GNG2: variants seen among roughly 807,000 people sequenced by gnomAD.
The protein encoded by GNG2 is guanine nucleotide-binding protein G(I)/G(S)/G(O) subunit gamma-2.
GNG2 carries 5 observed loss-of-function variants against 5.5 expected under a neutral mutation model. The observed-to-expected ratio is 0.91, with a 90% confidence interval of 0.48 to 1.92. GNG2 has a LOEUF of 1.92. GNG2 is among the 30% of genes most tolerant of loss of function. The probability of loss-of-function intolerance (pLI) is 0.01; values close to 1 mark genes in which losing one functional copy is unlikely to be tolerated. For missense variants in GNG2, 55 were observed against 88.4 expected (o/e 0.62, Z 1.52); for synonymous variants, 28 against 32.0 (o/e 0.88, Z 0.42).
chr14:51,931,145 A>C (rs1413796432), intron 2 of GNG2, among the ~76,000 whole-genome samples: 1 of 152,144 alleles, frequency 6.6e-6, no homozygotes, highest in Non-Finnish European at 1.5e-5. Context: ...AGAAATACAG[A>C]AATATAGGTG....
intron 2 of GNG2, among the ~76,000 whole-genome samples, chr14:51,923,567 TACACACAC>T (rs142081387): frequency 6.7e-6 from 1 of 150,000 alleles, no homozygotes; most frequent in African/African-American, 2.5e-5. Context: ...AAACACACAA[TACACACAC>T]ACACACACAC....
intron 2 of GNG2, chr14:51,914,277 A>C (rs1206433069): frequency 4.3e-6 from 3 of 702,178 alleles, no homozygotes; most frequent in Non-Finnish European, 7.8e-6. Flanking sequence ...AGACCAAGGT[A>C]GAATGGAAAA....
intron 2 of GNG2, among the ~76,000 whole-genome samples, chr14:51,840,641 G>A (rs535480578): frequency 3.0e-4 from 46 of 152,302 alleles, no homozygotes; most frequent in African/African-American, 1.1e-3. Flanking sequence ...TCCTGAGGTA[G>A]AGTGTAAGGT....
chr14:51,880,978 A>AAC (rs1555351036), intron 2 of GNG2, among the ~76,000 whole-genome samples: 4 of 147,134 alleles, frequency 2.7e-5, no homozygotes, highest in East Asian at 1.9e-4. Flanking sequence ...AAAAAAAAAA[A>AAC]AAAAAAAAAA....
intron 1 of GNG2, among the ~76,000 whole-genome samples, chr14:51,869,481 A>G (rs1457833747): frequency 6.6e-6 from 1 of 152,196 alleles, no homozygotes; most frequent in Non-Finnish European, 1.5e-5. Context: ...CAATACGTAG[A>G]GGCATATCAA....
chr14:51,966,209 CAAAAAAAAAAAAA>C (rs34653524), intron 3 of GNG2, among the ~76,000 whole-genome samples: 3 of 28,144 alleles, frequency 1.1e-4, no homozygotes, highest in African/African-American at 3.1e-4. Context: ...GACTGCATCT[CAAAAAAAAAAAAA>C]AAAAAAAAAA....
chr14:51,936,114 C>T (rs1033230507), intron 2 of GNG2, among the ~76,000 whole-genome samples: 1 of 152,118 alleles, frequency 6.6e-6, no homozygotes, highest in African/African-American at 2.4e-5. Flanking sequence ...AAATAAAACA[C>T]AGTGCCACTC....
chr14:51,846,674 A>C (rs995573688), intron 2 of GNG2, among the ~76,000 whole-genome samples: 1 of 152,144 alleles, frequency 6.6e-6, no homozygotes, highest in Non-Finnish European at 1.5e-5. Flanking sequence ...GAAGGGCTCT[A>C]GTCACCTGAG....
intron 2 of GNG2, among the ~76,000 whole-genome samples, chr14:51,851,423 A>G (rs1201694303): frequency 6.6e-6 from 1 of 152,226 alleles, no homozygotes; most frequent in Non-Finnish European, 1.5e-5. Context: ...AAGAGTACAT[A>G]CTAACCTCAT....
At chr14:51,948,432 G>A (rs1214429782) in intron 2 of GNG2, among the ~76,000 whole-genome samples, 12 of 152,194 alleles carry the variant, frequency 7.9e-5, no homozygotes, top group Non-Finnish European at 1.5e-4. Flanking sequence ...CCAGCCAGAT[G>A]AATGAATTCC....
chr14:51,890,101 A>T (rs75523731), intron 2 of GNG2, among the ~76,000 whole-genome samples: 3 of 152,192 alleles, frequency 2.0e-5, no homozygotes, highest in African/African-American at 7.2e-5. Context: ...TCATGGGTAC[A>T]ACTTTGGTTT....
Position 51,953,015 on chromosome 14 carries a change from G to C in GNG2, c.87+2250G>C, listed in dbSNP as rs546125694. On this transcript the variant is annotated intron_variant, in intron 3 of 3. Transcript: ENST00000556766. ...TGCTCTCTTTTCTGCATGCCATATA[G>C]AACAACTTTTAATTCTTTTGATGGG... 2.6e-5 allele frequency among the ~76,000 whole-genome samples: 4 copies of C among 152,148 alleles called. No individual in the cohort carries two copies. In the South Asian group the frequency reaches 8.3e-4, roughly 32 times the overall value.
At chr14:51,891,660 A>G (rs1884860949) in intron 2 of GNG2, among the ~76,000 whole-genome samples, 1 of 152,218 alleles carries the variant, frequency 6.6e-6, no homozygotes, top group Admixed American at 6.5e-5. Context: ...CTTTAAATAA[A>G]TGACATCATG....
chr14:51,949,219 A>G (rs1011656755), intron 2 of GNG2, among the ~76,000 whole-genome samples: 1 of 152,026 alleles, frequency 6.6e-6, no homozygotes, highest in Admixed American at 6.6e-5. Context: ...AGTATTCTTC[A>G]ACATAATATT....
intron 2 of GNG2, among the ~76,000 whole-genome samples, chr14:51,933,240 G>C (rs1887766458): frequency 6.6e-6 from 1 of 152,156 alleles, no homozygotes; most frequent in South Asian, 2.1e-4. Flanking sequence ...CCAAGACAGG[G>C]GTCAAATAAG....
chr14:51,891,969 C>T (rs951926984), intron 2 of GNG2, among the ~76,000 whole-genome samples: 13 of 152,204 alleles, frequency 8.5e-5, no homozygotes, highest in Non-Finnish European at 1.8e-4. Context: ...AGGCATAGAA[C>T]ATTGCAAATA....
intron 2 of GNG2, among the ~76,000 whole-genome samples, chr14:51,947,810 C>T (rs756037376): frequency 8.5e-5 from 13 of 152,178 alleles, no homozygotes; most frequent in Non-Finnish European, 1.5e-4. Context: ...ACAGACTTTC[C>T]TTGATGCTTG....
At chr14:51,924,682 G>A (rs112984389) in intron 2 of GNG2, among the ~76,000 whole-genome samples, 132 of 152,272 alleles carry the variant, frequency 8.7e-4, no homozygotes, top group Non-Finnish European at 1.2e-3. Flanking sequence ...TAGGCAAGCC[G>A]CAATACATAG....
chr14:51,952,285 C>T (rs1012652537), intron 3 of GNG2, among the ~76,000 whole-genome samples: 1 of 152,228 alleles, frequency 6.6e-6, no homozygotes, highest in Non-Finnish European at 1.5e-5. Flanking sequence ...GCTCTTCTTT[C>T]AACAGCCTTA....
Sources: allele counts gnomAD v4.1 joint callset (sites outside exome capture counted in the v4.1 genomes callset), GRCh38; gene constraint gnomAD v4.1.1; transcripts MANE v1.5; gene names NCBI Gene and HGNC (gene_info 2026-07-23, HGNC 2026-07-21).